The following GRB14 variants were observed in gnomAD, a reference collection of about 807,000 sequenced individuals.
The protein encoded by GRB14 is growth factor receptor-bound protein 14.
GRB14 carries 38 observed loss-of-function variants against 69.1 expected under a neutral mutation model. That is an observed-to-expected ratio of 0.55 (90% CI 0.42 to 0.72). GRB14 has a LOEUF of 0.72. GRB14 is among the 30% of genes least tolerant of loss of function. GRB14 has a pLI of 0.00. For missense variants in GRB14, 666 were observed against 666.1 expected (o/e 1.00, Z 0.00); for synonymous variants, 247 against 241.3 (o/e 1.02, Z -0.22).
chr2:164,510,615 C>T (rs945873643), intron 6 of GRB14, among the ~76,000 whole-genome samples: 2 of 152,068 alleles, frequency 1.3e-5, no homozygotes, highest in Non-Finnish European at 2.9e-5. Context: ...ACAGAAGGCT[C>T]TACCTATCCT....
chr2:164,534,465 G>T (rs1688029085), intron 3 of GRB14, among the ~76,000 whole-genome samples: 1 of 151,952 alleles, frequency 6.6e-6, no homozygotes, highest in East Asian at 1.9e-4. Context: ...CTAGTAGACA[G>T]AAAATTCAAC....
intron 6 of GRB14, among the ~76,000 whole-genome samples, 199 bp downstream of exon 6, chr2:164,521,781 T>C (rs1687640056): frequency 6.6e-6 from 1 of 152,098 alleles, no homozygotes; most frequent in African/African-American, 2.4e-5. Context: ...CCAGACTCCA[T>C]CAAAGATACT....
intron 2 of GRB14, among the ~76,000 whole-genome samples, chr2:164,568,122 T>C (rs1212358739): frequency 6.6e-6 from 1 of 152,180 alleles, no homozygotes; most frequent in Non-Finnish European, 1.5e-5. Flanking sequence ...TATAGCGATG[T>C]CCTAGCGCAG....
At chr2:164,560,738 C>G (rs1568505) in intron 2 of GRB14, among the ~76,000 whole-genome samples, 118,648 of 152,010 alleles carry the variant, frequency 0.78, 46,778 homozygotes, top group African/African-American at 0.83. Flanking sequence ...TTTCAGTTTT[C>G]AAACTGCAAA....
intron 2 of GRB14, among the ~76,000 whole-genome samples, chr2:164,576,472 T>A (rs2105334316): frequency 6.6e-6 from 1 of 151,932 alleles, no homozygotes; most frequent in East Asian, 1.9e-4. Context: ...AGAATACAGA[T>A]AATAGTTACT....
intron 6 of GRB14, among the ~76,000 whole-genome samples, chr2:164,518,267 T>C (rs888718859): frequency 6.6e-6 from 1 of 152,180 alleles, no homozygotes. Flanking sequence ...TCCTGAATGA[T>C]TGTTAGGTCA....
chr2:164,585,461 C>A (rs1689517245), intron 2 of GRB14, among the ~76,000 whole-genome samples: 1 of 152,044 alleles, frequency 6.6e-6, no homozygotes. Flanking sequence ...AGACTGAAAG[C>A]TGAATAACTA....
chr2:164,509,462 G>T (rs562112328), intron 6 of GRB14, among the ~76,000 whole-genome samples: 1 of 152,270 alleles, frequency 6.6e-6, no homozygotes, highest in Non-Finnish European at 1.5e-5. Context: ...ACGCAAAGTG[G>T]AATCATGAAC....
intron 3 of GRB14, among the ~76,000 whole-genome samples, chr2:164,536,872 T>C (rs748981160): frequency 1.3e-5 from 2 of 152,198 alleles, no homozygotes; most frequent in Non-Finnish European, 2.9e-5. Context: ...CCCACCTATA[T>C]AGTATGTCCT....
intron 8 of GRB14, among the ~76,000 whole-genome samples, chr2:164,504,273 A>C (rs2105262354): frequency 6.6e-6 from 1 of 151,866 alleles, no homozygotes; most frequent in South Asian, 2.1e-4. Flanking sequence ...AAAAGAGGGC[A>C]CTCTCGGTTT....
chr2:164,536,255 C>A (rs754239396), intron 3 of GRB14, among the ~76,000 whole-genome samples: 1 of 152,104 alleles, frequency 6.6e-6, no homozygotes. Context: ...AGTCCCAGCT[C>A]CATGGAATTA....
intron 2 of GRB14, among the ~76,000 whole-genome samples, chr2:164,555,063 A>T (rs1473430648): frequency 2.0e-5 from 3 of 152,222 alleles, no homozygotes. Context: ...CCCAAAGCAT[A>T]CTTAGTATTT....
At chr2:164,605,808 T>C (rs1186068388) in intron 2 of GRB14, among the ~76,000 whole-genome samples, 1 of 152,098 alleles carries the variant, frequency 6.6e-6, no homozygotes, top group Admixed American at 6.6e-5. Context: ...GTGATATAGA[T>C]ACCAATAAAA....
intron 3 of GRB14, among the ~76,000 whole-genome samples, chr2:164,540,867 CTGTT>C (rs1218618085): frequency 2.0e-5 from 3 of 152,154 alleles, no homozygotes; most frequent in Non-Finnish European, 2.9e-5. Flanking sequence ...ATTTGCTAAA[CTGTT>C]TGGGTAACGC....
intron 2 of GRB14, among the ~76,000 whole-genome samples, chr2:164,571,828 T>C (rs913552707): frequency 6.6e-6 from 1 of 152,198 alleles, no homozygotes; most frequent in Non-Finnish European, 1.5e-5. Flanking sequence ...AAAACTGTAA[T>C]CTGGCTCTCT....
intron 6 of GRB14, among the ~76,000 whole-genome samples, chr2:164,520,992 C>T (rs1043277019): frequency 6.6e-6 from 1 of 152,142 alleles, no homozygotes; most frequent in African/African-American, 2.4e-5. Context: ...CATTTTGATC[C>T]AGCAATCCCA....
In GRB14 at chr2:164,619,729, C is replaced by T. The variant is rs767052693; in HGVS notation, c.282G>A (p.Leu94=). 3.8e-6 allele frequency: 6 copies of T among 1,598,514 alleles called. No homozygotes were observed. Among genetic ancestry groups the T allele is most frequent in the East Asian group, 2.2e-5 (1 of 44,770 alleles). ...TTGCTTTGGGAAATAGGTCTGCTGA[C>T]AACACAGATGTAAATGGAGAACAGC... ...ELCCSPFTSV[L]SADLFPKANS... Residue 94 remains leucine, a synonymous_variant, in exon 2 of 14, where the codon TTG becomes TTA. Transcript: ENST00000263915.
rs185024596 is a variant in GRB14, at chr2:164,549,770, A to C, written c.325-1954T>G. Among the ~76,000 whole-genome samples the C allele has an allele frequency of 1.4e-3, 207 of 152,122 alleles. 7 individuals are homozygous for C. The East Asian group carries it at 0.034, about 25-fold the overall frequency. ...TTCCAGCTACTTGGGAGGCTGAGGCACAAGAATCACTTGAACCTGGGAGGC... is the reference window on the plus strand; with the variant it reads ...TTCCAGCTACTTGGGAGGCTGAGGCCCAAGAATCACTTGAACCTGGGAGGC... On this transcript the variant is annotated intron_variant, in intron 2 of 13. Coordinates refer to ENST00000263915, the MANE Select transcript of GRB14 (RefSeq NM_004490.3).
chr2:164,567,248 C>T (rs1467952825), intron 2 of GRB14, among the ~76,000 whole-genome samples: 1 of 152,034 alleles, frequency 6.6e-6, no homozygotes, highest in Non-Finnish European at 1.5e-5. Context: ...TATAGCTGTT[C>T]CAATGCCAAA....
Sources: allele counts gnomAD v4.1 joint callset (sites outside exome capture counted in the v4.1 genomes callset), GRCh38; gene constraint gnomAD v4.1.1; transcripts MANE v1.5; gene names NCBI Gene and HGNC (gene_info 2026-07-23, HGNC 2026-07-21).